MROH1: variants seen among roughly 807,000 people sequenced by gnomAD.
MROH1 encodes the protein maestro heat like repeat family member 1.
Under a neutral mutation model 116.5 loss-of-function variants are expected in MROH1, and 117 were observed. The ratio of observed to expected loss-of-function variants is 1.00; its 90% CI spans 0.86 to 1.17. MROH1 has a LOEUF of 1.17. MROH1 is among the 50% of genes most tolerant of loss of function. MROH1 has a pLI of 0.00. For missense variants in MROH1, 1,873 were observed against 1,338.5 expected (o/e 1.40, Z -6.23); for synonymous variants, 921 against 583.9 (o/e 1.58, Z -8.32).
intron 4 of MROH1, chr8:144,175,136 A>G (rs563557211): frequency 2.0e-6 from 2 of 985,338 alleles, no homozygotes; most frequent in African/African-American, 3.5e-5. Context: ...GGGTCTGGTC[A>G]GGTGGGTATT....
chr8:144,178,292 C>T (rs898860105), intron 4 of MROH1, among the ~76,000 whole-genome samples: 3 of 152,086 alleles, frequency 2.0e-5, no homozygotes, highest in Non-Finnish European at 2.9e-5. Flanking sequence ...CCACCACACA[C>T]GGCTAATTTT....
chr8:144,246,235 A>C (rs1364794971), intron 29 of MROH1, among the ~76,000 whole-genome samples: 1 of 151,360 alleles, frequency 6.6e-6, no homozygotes, highest in Non-Finnish European at 1.5e-5. Context: ...CAGCCTCCCG[A>C]GTAGCTGGGA....
At position 144,168,179 on chromosome 8, in the gene MROH1, C is replaced by A. The variant is rs959024124; in HGVS notation, c.23-116C>A. 4.0e-6 allele frequency: 5 copies of A among 1,247,660 alleles called. No individual in the cohort carries two copies. In the Admixed American group the frequency reaches 8.3e-5, roughly 21 times the overall value. 77.3% of individuals were successfully genotyped at this position (1,247,660 alleles called of 1,614,324 possible). ...GAGAAAGCAGCTGTGCCCTCTCCTG[C>A]TCTGTGTCTGTGATCCTCAGAGGCT... On this transcript the variant is annotated intron_variant, in intron 3 of 43. Coordinates refer to ENST00000326134, the MANE Select transcript of MROH1 (RefSeq NM_032450.3).
chr8:144,217,697 G>A (rs150221400), intron 12 of MROH1, among the ~76,000 whole-genome samples: 50 of 152,260 alleles, frequency 3.3e-4, no homozygotes, highest in South Asian at 1.5e-3. Flanking sequence ...TCTGCCTCCC[G>A]GCTTCAAGCG....
intron 4 of MROH1, among the ~76,000 whole-genome samples, chr8:144,176,078 G>A (rs145975170): frequency 1.8e-3 from 276 of 150,506 alleles, no homozygotes; most frequent in Admixed American, 2.6e-3. Flanking sequence ...AATAACTATC[G>A]AGGGCTGGGT....
chr8:144,259,292 G>A lies in MROH1; in HGVS notation c.3982G>A (p.Ala1328Thr), dbSNP rs1844515403. The A allele has an allele frequency of 2.8e-6, 2 of 714,946 alleles. No individual in the cohort carries two copies. The highest frequency in any genetic ancestry group is 1.5e-5 in the South Asian group (1 of 67,514). The allele number at this position is 714,946 out of a possible 1,614,324, so 44.3% of individuals were successfully genotyped here. The change falls in exon 37 of 44, where the codon GCA becomes ACA. Residue 1328 changes from alanine (A) to threonine (T), a missense_variant. Physicochemically the swap from Ala to Thr is moderately conservative, Grantham distance 58. Transcript: ENST00000326134. The part of the protein sequence containing the change: ...PRLPLVLKTL[A>T]CTHSSAYENQ... Reference sequence around the variant, plus strand: ...ACTCCCCCTGGTGCTGAAGACGCTGGCATGCACACACAGCAGTGCGTATGA... The same window carrying A: ...ACTCCCCCTGGTGCTGAAGACGCTGACATGCACACACAGCAGTGCGTATGA...
rs933963382 is a variant in MROH1 at position 144,259,224 on chromosome 8, C to T, written c.3930-16C>T. 123 of 711,878 alleles carry T rather than the reference C, an allele frequency of 1.7e-4. No individual in the cohort carries two copies. Among genetic ancestry groups the T allele is most frequent in the Middle Eastern group, 3.6e-4 (1 of 2,742 alleles). The allele number at this position is 711,878 out of a possible 1,614,324, so 44.1% of individuals were successfully genotyped here. ...ACAGCAACAGCCCCTGCACCCTCAG[C>T]GGCCCCCTTTCCCAGGGCCATGGCT... On this transcript the variant is annotated splice_polypyrimidine_tract_variant and intron_variant, in intron 36 of 43. Transcript: ENST00000326134.
chr8:144,261,569 G>A (rs962219115), intron 43 of MROH1, 86 bp from the exon 44 acceptor site: 2 of 699,946 alleles, frequency 2.9e-6, no homozygotes, highest in Non-Finnish European at 5.2e-6. Context: ...CCTCCCAGCA[G>A]AGGCTGTCAG....
chr8:144,166,633 G>A (rs573569327), intron 3 of MROH1, among the ~76,000 whole-genome samples: 2 of 152,270 alleles, frequency 1.3e-5, no homozygotes, highest in East Asian at 1.9e-4. Flanking sequence ...GGGACACCGA[G>A]AGGCCCGGAA....
At position 144,223,222 on chromosome 8, in the gene MROH1, G is replaced by A. The variant is rs1373863316; in HGVS notation, c.1330G>A (p.Glu444Lys). ...CGTGCAGCAGTGCGCGCTGCCCCCC[G>A]AGCAGGAGGTAAGGGGCTGCCACCT... is the stretch of plus-strand genomic sequence containing the variant. The part of the protein sequence containing the change: ...YIVQQCALPP[E>K]QEPEKPGPGS... The change falls in exon 14 of 44, where the codon GAG becomes AAG. Residue 444 changes from glutamate (E) to lysine (K), a missense_variant. By Grantham distance (56) the Glu-to-Lys change is moderately conservative. Coordinates refer to ENST00000326134, the MANE Select transcript of MROH1 (RefSeq NM_032450.3). 12 of 1,603,026 alleles carry A rather than the reference G, an allele frequency of 7.5e-6. No homozygotes were observed. Among genetic ancestry groups the A allele is most frequent in the East Asian group, 2.3e-5 (1 of 44,426 alleles).
intron 12 of MROH1, among the ~76,000 whole-genome samples, chr8:144,205,782 T>A (rs1832699054): frequency 6.6e-6 from 1 of 152,206 alleles, no homozygotes; most frequent in South Asian, 2.1e-4. Flanking sequence ...GTTGCCTATC[T>A]TAGATACTTT....
chr8:144,212,127 A>G (rs1252800846), intron 12 of MROH1, among the ~76,000 whole-genome samples: 1 of 151,450 alleles, frequency 6.6e-6, no homozygotes, highest in Non-Finnish European at 1.5e-5. Flanking sequence ...TCTGTCGCCC[A>G]GGGTGGAGTG....
At chr8:144,161,754 G>A (rs2130827405) in intron 2 of MROH1, among the ~76,000 whole-genome samples, 1 of 152,358 alleles carries the variant, frequency 6.6e-6, no homozygotes, top group East Asian at 1.9e-4. Flanking sequence ...CTGCTGCACT[G>A]GAAGGGGTGC....
intron 33 of MROH1, 72 bp from the exon 34 acceptor site, chr8:144,254,741 G>T: frequency 1.4e-6 from 1 of 707,518 alleles, no homozygotes; most frequent in South Asian, 1.5e-5. Flanking sequence ...CAGGGTCCAC[G>T]GCACCCAGGT....
chr8:144,202,246 G>A (rs1351946709), intron 12 of MROH1, among the ~76,000 whole-genome samples: 1 of 151,514 alleles, frequency 6.6e-6, no homozygotes, highest in Admixed American at 6.6e-5. Flanking sequence ...CGGGGGGAGA[G>A]CCTGCTGTCT....
chr8:144,240,123 A>G lies in MROH1; in HGVS notation c.1797A>G (p.Pro599=). ...YLDEHTEETL[P]QEEWEEKLLM... is the part of the protein sequence containing the mutation. ...CAGAGCACACAGAAGAGACCCTGCC[A>G]CAGGAGGAGTGGGAGGAGAAGCTGT... Residue 599 remains proline, a synonymous_variant, in exon 19 of 44, where the codon CCA becomes CCG. Coordinates refer to ENST00000326134, the MANE Select transcript of MROH1 (RefSeq NM_032450.3). The G allele has an allele frequency of 5.1e-6, 4 of 779,060 alleles. No individual in the cohort carries two copies. 48.3% of individuals were successfully genotyped at this position (779,060 alleles called of 1,614,324 possible). A position where few individuals can be genotyped will look rare whatever the true frequency, so the allele number is the denominator to read the frequency against.
chr8:144,180,416 C>T lies in MROH1; in HGVS notation c.464-9C>T. 6.2e-7 allele frequency: 1 copy of T among 1,613,012 alleles called. No individual in the cohort carries two copies. The highest frequency in any genetic ancestry group is 8.5e-7 in the Non-Finnish European group (1 of 1,179,764). ...TGGCGGAGGCCTTTGACGGTGTCCT[C>T]TCTCACAGCGTTCGGCGTAGTCCCC... On this transcript the variant is annotated splice_polypyrimidine_tract_variant and intron_variant, in intron 6 of 43. Coordinates refer to ENST00000326134, the MANE Select transcript of MROH1 (RefSeq NM_032450.3). The surrounding 1 kb of genome is among the most constrained non-coding windows in gnomAD (Gnocchi z 7.4).
intron 12 of MROH1, chr8:144,212,975 G>A (rs1834478197): frequency 3.9e-6 from 3 of 769,428 alleles, no homozygotes; most frequent in Non-Finnish European, 7.3e-6. Context: ...ATTACCATTT[G>A]TTTGATCTCG....
intron 32 of MROH1, 63 bp downstream of exon 32, chr8:144,249,092 G>A: frequency 1.4e-6 from 1 of 707,050 alleles, no homozygotes; most frequent in Admixed American, 2.0e-5. Context: ...CGGTGGGACG[G>A]GCAGGGCAGG....
Sources: allele counts gnomAD v4.1 joint callset (sites outside exome capture counted in the v4.1 genomes callset), GRCh38; gene constraint gnomAD v4.1.1; non-coding constraint Gnocchi (gnomAD v3.1); transcripts MANE v1.5; gene names NCBI Gene and HGNC (gene_info 2026-07-23, HGNC 2026-07-21).